Variants in TRIM44 observed in about 807,000 individuals in gnomAD.
The protein encoded by TRIM44 is tripartite motif-containing protein 44.
In TRIM44, 13 loss-of-function variants were observed where a neutral mutation model predicts 37.4. The ratio of observed to expected loss-of-function variants is 0.35; its 90% CI spans 0.23 to 0.55. The LOEUF (loss-of-function observed/expected upper bound fraction) is 0.55. Among genes scored for constraint, TRIM44 ranks in the 20% least tolerant of loss-of-function variants. The pLI, the probability that TRIM44 is intolerant of heterozygous loss-of-function variation, is 0.89. For synonymous variants in TRIM44, 175 were observed against 157.2 expected (o/e 1.11, Z -0.85); for missense variants, 426 against 437.2 (o/e 0.97, Z 0.23).
chr11:35,772,617 T>C (rs914865216), intron 4 of TRIM44, among the ~76,000 whole-genome samples: 7 of 152,240 alleles, frequency 4.6e-5, no homozygotes, highest in African/African-American at 1.7e-4. Context: ...GATTTCAGAC[T>C]TTCATGGGGC....
intron 2 of TRIM44, among the ~76,000 whole-genome samples, chr11:35,725,377 A>C (rs763343928): frequency 2.0e-5 from 3 of 152,180 alleles, no homozygotes; most frequent in Non-Finnish European, 4.4e-5. Flanking sequence ...TCTGTTGCCC[A>C]GGGTGGAGTG....
chr11:35,670,295 A>T (rs911881538), intron 1 of TRIM44, among the ~76,000 whole-genome samples: 14 of 152,234 alleles, frequency 9.2e-5, no homozygotes, highest in African/African-American at 3.1e-4. Context: ...ATGTTAGAAC[A>T]TTACTAACTG....
chr11:35,702,623 T>G (rs1851806325), intron 2 of TRIM44, among the ~76,000 whole-genome samples: 1 of 152,244 alleles, frequency 6.6e-6, no homozygotes, highest in Admixed American at 6.5e-5. Context: ...GGTGTTGCCA[T>G]GCATATTGTA....
intron 1 of TRIM44, among the ~76,000 whole-genome samples, chr11:35,678,182 G>C (rs1350679145): frequency 9.2e-5 from 14 of 152,146 alleles, no homozygotes; most frequent in Non-Finnish European, 1.5e-5. Flanking sequence ...TTTAAGCAAG[G>C]GAGTAAATGA....
intron 4 of TRIM44, among the ~76,000 whole-genome samples, chr11:35,799,372 A>G (rs1307795492): frequency 6.6e-6 from 1 of 152,224 alleles, no homozygotes; most frequent in African/African-American, 2.4e-5. Context: ...AGGTCCCTAA[A>G]TAGGTCTGGA....
At chr11:35,775,808 CAGGG>C (rs1163382071) in intron 4 of TRIM44, among the ~76,000 whole-genome samples, 5 of 152,316 alleles carry the variant, frequency 3.3e-5, no homozygotes, top group African/African-American at 1.2e-4. Context: ...CCTCACATCC[CAGGG>C]ATGAAGCCCA....
intron 2 of TRIM44, among the ~76,000 whole-genome samples, chr11:35,712,338 AACTTT>A (rs1280232336): frequency 2.0e-5 from 3 of 152,218 alleles, no homozygotes; most frequent in African/African-American, 4.8e-5. Flanking sequence ...TTTTAGGAAT[AACTTT>A]ACTTAAAGTT....
At chr11:35,696,235 G>T (rs1052835548) in intron 2 of TRIM44, among the ~76,000 whole-genome samples, 1 of 150,032 alleles carries the variant, frequency 6.7e-6, no homozygotes, top group African/African-American at 2.5e-5. Flanking sequence ...GCTCCGCCTC[G>T]GGTTCATGCC....
At chr11:35,683,010 A>G (rs1278317280) in intron 1 of TRIM44, among the ~76,000 whole-genome samples, 3 of 152,176 alleles carry the variant, frequency 2.0e-5, no homozygotes, top group Non-Finnish European at 2.9e-5. Flanking sequence ...AGAGCTTTCC[A>G]GGGACAAGTG....
At chr11:35,734,127 T>C (rs1321762485) in intron 3 of TRIM44, among the ~76,000 whole-genome samples, 1 of 152,202 alleles carries the variant, frequency 6.6e-6, no homozygotes, top group Non-Finnish European at 1.5e-5. Context: ...TTTCTCATGC[T>C]CCTGATTCGA....
rs1853204932 is a variant in TRIM44, at chr11:35,791,179, T to C, written c.1008-15179T>C. Among the ~76,000 whole-genome samples the C allele has an allele frequency of 2.6e-5, 4 of 152,222 alleles. No homozygotes were observed. The South Asian group carries it at 6.2e-4, about 24-fold the overall frequency. ...GCTCCAGACCCCCAGCATCATGACATTGGCACCTGTAATACTCTTCCAAGC... is the reference window on the plus strand; with the variant it reads ...GCTCCAGACCCCCAGCATCATGACACTGGCACCTGTAATACTCTTCCAAGC... On this transcript the variant is annotated intron_variant, in intron 4 of 4. Transcript: ENST00000299413.
chr11:35,742,187 C>T (rs1237407577), intron 4 of TRIM44, among the ~76,000 whole-genome samples: 1 of 151,894 alleles, frequency 6.6e-6, no homozygotes, highest in South Asian at 2.1e-4. Flanking sequence ...AAGTGATCCT[C>T]CTGCTTCGGC....
At position 35,806,526 on chromosome 11, in the gene TRIM44, C is replaced by A; in HGVS notation, c.*141C>A. 2 of 869,428 alleles carry A rather than the reference C, an allele frequency of 2.3e-6. No individual in the cohort carries two copies. Among genetic ancestry groups the A allele is most frequent in the Non-Finnish European group, 3.8e-6 (2 of 525,562 alleles). The allele number at this position is 869,428 out of a possible 1,614,324, so 53.9% of individuals were successfully genotyped here. On this transcript the variant is annotated 3_prime_UTR_variant, in exon 5 of 5. Transcript: ENST00000299413. ...GATGTGTCCCCAGATCCACAGCAGGCACATATCTCTCCAAGGGATGACCAG... is the reference window on the plus strand; with the variant it reads ...GATGTGTCCCCAGATCCACAGCAGGAACATATCTCTCCAAGGGATGACCAG...
chr11:35,773,162 A>G (rs1295753172), intron 4 of TRIM44, among the ~76,000 whole-genome samples: 4 of 152,086 alleles, frequency 2.6e-5, no homozygotes, highest in African/African-American at 9.7e-5. Context: ...GCCTCCCGCC[A>G]TGATTCTGAG....
At chr11:35,784,606 GTATGTATA>G (rs1186177144) in intron 4 of TRIM44, among the ~76,000 whole-genome samples, 2 of 152,198 alleles carry the variant, frequency 1.3e-5, no homozygotes, top group African/African-American at 4.8e-5. Flanking sequence ...GTGTATTTAT[GTATGTATA>G]TATGTATATG....
chr11:35,737,185 T>A (rs1334317073), intron 4 of TRIM44, among the ~76,000 whole-genome samples: 1 of 152,094 alleles, frequency 6.6e-6, no homozygotes, highest in Non-Finnish European at 1.5e-5. Flanking sequence ...TGTGTGCCAG[T>A]TCCAGACAAG....
intron 2 of TRIM44, among the ~76,000 whole-genome samples, chr11:35,691,731 A>G (rs970644727): frequency 3.9e-5 from 6 of 151,900 alleles, no homozygotes; most frequent in African/African-American, 1.2e-4. Flanking sequence ...TGTAAGCTCC[A>G]CCTCCCAGGT....
Position 35,810,319 on chromosome 11 carries a change from G to A in TRIM44, c.*3934G>A, listed in dbSNP as rs1178065434. Reference sequence around the variant, plus strand: ...TTCATATAATGGCTGTGCAATACATGCTTCTCAATAAGAAAATTAACTGCA... The same window carrying A: ...TTCATATAATGGCTGTGCAATACATACTTCTCAATAAGAAAATTAACTGCA... On this transcript the variant is annotated 3_prime_UTR_variant, in exon 5 of 5. Coordinates refer to ENST00000299413, the MANE Select transcript of TRIM44 (RefSeq NM_017583.6). 6.6e-6 allele frequency: 1 copy of A among 152,072 alleles called. No individual in the cohort carries two copies. Among genetic ancestry groups the A allele is most frequent in the Non-Finnish European group, 1.5e-5 (1 of 68,014 alleles). The allele number at this position is 152,072 out of a possible 1,614,324, so 9.4% of individuals were successfully genotyped here.
At chr11:35,719,546 T>G (rs924649427) in intron 2 of TRIM44, among the ~76,000 whole-genome samples, 1 of 152,186 alleles carries the variant, frequency 6.6e-6, no homozygotes, top group Non-Finnish European at 1.5e-5. Flanking sequence ...GTTTTTCATT[T>G]TAATGAAGTC....
Sources: gnomAD v4.1 joint callset for allele counts (sites outside exome capture counted in the v4.1 genomes callset) on GRCh38, gnomAD v4.1.1 for gene constraint, MANE v1.5 for transcripts, NCBI Gene and HGNC (gene_info 2026-07-23, HGNC 2026-07-21) for gene names.